ZNF250: variants seen among roughly 807,000 people sequenced by gnomAD.
ZNF250 encodes zinc finger protein 250.
ZNF250 carries 13 observed loss-of-function variants against 37.1 expected under a neutral mutation model. That is an observed-to-expected ratio of 0.35 (90% CI 0.23 to 0.56). The LOEUF (loss-of-function observed/expected upper bound fraction) is 0.56. ZNF250 is among the 20% of genes least tolerant of loss of function. The pLI, the probability that ZNF250 is intolerant of heterozygous loss-of-function variation, is 0.87. For synonymous variants in ZNF250, 251 were observed against 265.6 expected (o/e 0.94, Z 0.54); for missense variants, 474 against 697.9 (o/e 0.68, Z 3.61).
chr8:144,885,267 G>C (rs1209848), intron 5 of ZNF250, among the ~76,000 whole-genome samples: 42,641 of 151,904 alleles, frequency 0.28, 7,057 homozygotes, highest in South Asian at 0.44. Flanking sequence ...TTACAGGCAT[G>C]TGCCACCATG....
intron 5 of ZNF250, among the ~76,000 whole-genome samples, chr8:144,884,112 C>T (rs115708479): frequency 1.6e-3 from 242 of 152,262 alleles, no homozygotes; most frequent in African/African-American, 5.6e-3. Flanking sequence ...TCATGGAGCA[C>T]AGTCTTCTGG....
intron 4 of ZNF250, among the ~76,000 whole-genome samples, chr8:144,887,356 G>A (rs1470654330): frequency 2.0e-5 from 3 of 151,900 alleles, no homozygotes; most frequent in East Asian, 3.9e-4. Flanking sequence ...GGCTGGGCAG[G>A]TGCACACACT....
chr8:144,889,051 A>G (rs952490366), intron 4 of ZNF250, among the ~76,000 whole-genome samples: 5 of 152,190 alleles, frequency 3.3e-5, no homozygotes, highest in African/African-American at 1.2e-4. Context: ...TACAGGCTTG[A>G]GCCACCACGC....
rs537842417 is a variant in ZNF250, at chr8:144,894,949, A to C, written c.-54-4546T>G. Among the ~76,000 whole-genome samples the C allele has an allele frequency of 2.6e-5, 4 of 152,250 alleles. No individual in the cohort carries two copies. In the South Asian group the frequency reaches 8.3e-4, roughly 32 times the overall value. ...AAAGTGTCAAGATTACAGGCCTGAG[A>C]ACACCACACCCGGCCTGTTTGTTGA... On this transcript the variant is annotated intron_variant, in intron 1 of 5. Transcript: ENST00000417550.
In ZNF250 at chr8:144,879,979, T is replaced by C. The variant is rs1412139869; in HGVS notation, c.*1536A>G. 1 of 152,530 alleles carries C rather than the reference T, an allele frequency of 6.6e-6. No homozygotes were observed. Among genetic ancestry groups the C allele is most frequent in the Non-Finnish European group, 1.5e-5 (1 of 68,484 alleles). The allele number at this position is 152,530 out of a possible 1,614,324, so 9.4% of individuals were successfully genotyped here. A position where few individuals can be genotyped will look rare whatever the true frequency, so the allele number is the denominator to read the frequency against. ...TACTTGGGAGGCAGAGGCAGGAGAATTGCTTGAACCTGGGAGGTGGAGATT... is the reference window on the plus strand; with the variant it reads ...TACTTGGGAGGCAGAGGCAGGAGAACTGCTTGAACCTGGGAGGTGGAGATT... On this transcript the variant is annotated 3_prime_UTR_variant, in exon 6 of 6. Coordinates refer to ENST00000417550, the MANE Select transcript of ZNF250 (RefSeq NM_001109689.4).
rs1832826226 is a variant in ZNF250 at position 144,897,911 on chromosome 8, C to T, written c.-55+3488G>A. Reference sequence around the variant, plus strand: ...TTAAGAATGCCTTTAAGGGGTTTTCCACCCTGGGCCGGCCAGGTGTTCCTT... The same window carrying T: ...TTAAGAATGCCTTTAAGGGGTTTTCTACCCTGGGCCGGCCAGGTGTTCCTT... On this transcript the variant is annotated intron_variant, in intron 1 of 5. Coordinates refer to ENST00000417550, the MANE Select transcript of ZNF250 (RefSeq NM_001109689.4). This position sits in a 1 kb window ranked among gnomAD's most constrained non-coding sequence, Gnocchi z 5.2. 6.6e-6 allele frequency among the ~76,000 whole-genome samples: 1 copy of T among 152,212 alleles called. No individual in the cohort carries two copies.
In ZNF250 at chr8:144,890,319, C is replaced by A. The variant is rs1231917000; in HGVS notation, c.31G>T (p.Ala11Ser). 1 of 1,515,038 alleles carries A rather than the reference C, an allele frequency of 6.6e-7. No individual in the cohort carries two copies. The highest frequency in any genetic ancestry group is 8.9e-7 in the Non-Finnish European group (1 of 1,128,968). 93.8% of individuals were successfully genotyped at this position (1,515,038 alleles called of 1,614,324 possible). MAAARLLPVP[A>S]GPQAKLTFED... ...TGGGGACAGCTTACCTGGGGTCCTG[C>A]CGGCACTGGCAGGAGTCTGGCTGCT... is the stretch of plus-strand genomic sequence containing the variant. Residue 11 changes from alanine (A) to serine (S), a missense_variant, in exon 2 of 6, where the codon GCA (alanine) becomes TCA (serine). Physicochemically the swap from Ala to Ser is moderately conservative, Grantham distance 99. This residue lies in a region of ZNF250 where 192 missense variants were observed against 227.5 expected (regional missense o/e 0.84). Coordinates refer to ENST00000417550, the MANE Select transcript of ZNF250 (RefSeq NM_001109689.4). This position sits in a 1 kb window ranked among gnomAD's most constrained non-coding sequence, Gnocchi z 5.1.
chr8:144,892,300 G>A (rs1832398958), intron 1 of ZNF250, among the ~76,000 whole-genome samples: 2 of 152,216 alleles, frequency 1.3e-5, no homozygotes, highest in African/African-American at 4.8e-5. Flanking sequence ...AAGAATGGAT[G>A]CTAGAGAATA....
chr8:144,885,150 G>A (rs908885772), intron 5 of ZNF250, among the ~76,000 whole-genome samples: 17 of 152,024 alleles, frequency 1.1e-4, no homozygotes, highest in African/African-American at 3.6e-4. Flanking sequence ...ACAGAGTTTC[G>A]TTCTTGTTGC....
At position 144,890,256 on chromosome 8, in the gene ZNF250, G is replaced by A. The variant is rs868614363; in HGVS notation, c.42+52C>T. The A allele has an allele frequency of 1.3e-6, 2 of 1,543,134 alleles. No individual in the cohort carries two copies. The highest frequency in any genetic ancestry group is 3.4e-4 in the Middle Eastern group (2 of 5,878). ...TTAGGAGCTCTACGGGGCACGGAAG[G>A]AACCACAGGGCTCGGGCTGGGGGCA... On this transcript the variant is annotated intron_variant, in intron 2 of 5. Coordinates refer to ENST00000417550, the MANE Select transcript of ZNF250 (RefSeq NM_001109689.4). This position sits in a 1 kb window ranked among gnomAD's most constrained non-coding sequence, Gnocchi z 5.1.
At chr8:144,887,066 T>C (rs1277632060) in intron 4 of ZNF250, among the ~76,000 whole-genome samples, 164 bp from the exon 5 acceptor site, 2 of 151,522 alleles carry the variant, frequency 1.3e-5, no homozygotes, top group Non-Finnish European at 2.9e-5. Context: ...GGCCAACATA[T>C]AGTGAAACCC....
At chr8:144,895,832 A>AC (rs530665822) in intron 1 of ZNF250, among the ~76,000 whole-genome samples, 40 of 151,932 alleles carry the variant, frequency 2.6e-4, no homozygotes, top group African/African-American at 8.7e-4. Context: ...ACATAGTGAA[A>AC]CCCCGTCTCT....
At chr8:144,900,235 C>G (rs1305384361) in intron 1 of ZNF250, among the ~76,000 whole-genome samples, 3 of 152,196 alleles carry the variant, frequency 2.0e-5, no homozygotes, top group Admixed American at 1.3e-4. Flanking sequence ...CAATGGCAAT[C>G]TCCCACCCTT....
At chr8:144,887,765 T>C (rs1831998538) in intron 4 of ZNF250, among the ~76,000 whole-genome samples, 1 of 152,220 alleles carries the variant, frequency 6.6e-6, no homozygotes, top group African/African-American at 2.4e-5. Flanking sequence ...GCAGAAGTTC[T>C]ATGCAAGATT....
chr8:144,880,583 G>A lies in ZNF250; in HGVS notation c.*932C>T. Reference sequence around the variant, plus strand: ...AAGCTCCAGATAAAGGGTTTTCTAGGCCAGGCATGGTGCCTCACGCCTGTA... The same window carrying A: ...AAGCTCCAGATAAAGGGTTTTCTAGACCAGGCATGGTGCCTCACGCCTGTA... On this transcript the variant is annotated 3_prime_UTR_variant, in exon 6 of 6. Coordinates refer to ENST00000417550, the MANE Select transcript of ZNF250 (RefSeq NM_001109689.4). 1 of 441,410 alleles carries A rather than the reference G, an allele frequency of 2.3e-6. No homozygotes were observed. Among genetic ancestry groups the A allele is most frequent in the Non-Finnish European group, 4.6e-6 (1 of 216,952 alleles). The allele number at this position is 441,410 out of a possible 1,614,324, so 27.3% of individuals were successfully genotyped here.
intron 1 of ZNF250, among the ~76,000 whole-genome samples, chr8:144,899,624 A>C (rs1832972894): frequency 6.6e-6 from 1 of 152,238 alleles, no homozygotes; most frequent in Admixed American, 6.5e-5. Context: ...AGAGCTCCAC[A>C]GATCTGCAGC....
At chr8:144,894,373 A>T (rs1327410198) in intron 1 of ZNF250, among the ~76,000 whole-genome samples, 2 of 152,052 alleles carry the variant, frequency 1.3e-5, no homozygotes, top group African/African-American at 2.4e-5. Flanking sequence ...AGGTCCTCCC[A>T]GGACCCCACT....
intron 4 of ZNF250, among the ~76,000 whole-genome samples, chr8:144,889,129 G>A (rs936726300): frequency 5.9e-5 from 9 of 152,276 alleles, no homozygotes; most frequent in Non-Finnish European, 7.4e-5. Flanking sequence ...TGGGGATGGC[G>A]GGCTTCTTTG....
rs142189210 is a variant in ZNF250, at chr8:144,882,271, C to T, written c.912G>A (p.Arg304=). The T allele has an allele frequency of 8.0e-5, 129 of 1,613,824 alleles. No individual in the cohort carries two copies. The African/African-American group carries it at 1.6e-3, about 20-fold the overall frequency. Residue 304 remains arginine (R), a synonymous_variant, in exon 6 of 6, where the codon AGG becomes AGA. Transcript: ENST00000417550. The surrounding 1 kb of genome is among the most constrained non-coding windows in gnomAD (Gnocchi z 5.5). ...TCCCACACAACGGACACACATATGGCCTTTCTCCCGTGTGGATCCGCTGGT... is the reference window on the plus strand; with the variant it reads ...TCCCACACAACGGACACACATATGGTCTTTCTCCCGTGTGGATCCGCTGGT... The part of the protein sequence containing the change: ...IQHQRIHTGE[R]PYVCPLCGKA...
Sources: allele counts gnomAD v4.1 joint callset (sites outside exome capture counted in the v4.1 genomes callset), GRCh38; gene constraint gnomAD v4.1.1; regional missense constraint gnomAD v4.1.1; non-coding constraint Gnocchi (gnomAD v3.1); transcripts MANE v1.5; gene names NCBI Gene and HGNC (gene_info 2026-07-23, HGNC 2026-07-21).